The following CRB1 variants were observed in gnomAD, a reference collection of about 807,000 sequenced individuals.
The protein encoded by CRB1 is crumbs cell polarity complex component 1.
CRB1 carries 83 observed loss-of-function variants against 120.0 expected under a neutral mutation model. The ratio of observed to expected loss-of-function variants is 0.69; its 90% confidence interval spans 0.58 to 0.83. The LOEUF (loss-of-function observed/expected upper bound fraction) is 0.83. Among genes scored for constraint, CRB1 ranks in the 40% least tolerant of loss-of-function variants. The pLI, the probability that CRB1 is intolerant of heterozygous loss-of-function variation, is 0.00. For synonymous variants in CRB1, 625 were observed against 612.5 expected (o/e 1.02, Z -0.30); for missense variants, 1,699 against 1,687.6 (o/e 1.01, Z -0.12).
At chr1:197,415,395 G>T (rs549025017) in intron 5 of CRB1, among the ~76,000 whole-genome samples, 374 of 152,150 alleles carry the variant, frequency 2.5e-3, no homozygotes, top group Non-Finnish European at 4.3e-3. Context: ...ACTCCCCACT[G>T]CCAGAAAATA....
chr1:197,409,930 C>T (rs1013282681), intron 5 of CRB1, among the ~76,000 whole-genome samples: 3 of 152,124 alleles, frequency 2.0e-5, no homozygotes, highest in African/African-American at 4.8e-5. Context: ...ATTACAGGCG[C>T]CCGCCACCAT....
the CRB1 span, among the ~76,000 whole-genome samples, chr1:197,208,084 T>C: frequency 6.6e-6 from 1 of 152,160 alleles, no homozygotes; most frequent in African/African-American, 2.4e-5. Context: ...TTTTTTTTAA[T>C]TTATACTATC....
intron 5 of CRB1, 53 bp downstream of exon 5, chr1:197,357,066 C>A (rs776608786): frequency 9.0e-6 from 14 of 1,563,402 alleles, no homozygotes; most frequent in Non-Finnish European, 1.2e-5. Context: ...TTATGGCAGA[C>A]CATGGCTTTA....
intron 5 of CRB1, among the ~76,000 whole-genome samples, chr1:197,380,552 A>G (rs775909399): frequency 6.6e-6 from 1 of 152,226 alleles, no homozygotes; most frequent in Non-Finnish European, 1.5e-5. Flanking sequence ...AGCTTACACA[A>G]ATAGGTAAGA....
intron 5 of CRB1, among the ~76,000 whole-genome samples, chr1:197,402,508 T>G (rs1428543189): frequency 6.6e-6 from 1 of 152,196 alleles, no homozygotes; most frequent in Non-Finnish European, 1.5e-5. Flanking sequence ...TAATGTTGAC[T>G]AAAAGATAGT....
chr1:197,248,146 A>G, the CRB1 span, among the ~76,000 whole-genome samples: 1 of 152,008 alleles, frequency 6.6e-6, no homozygotes, highest in African/African-American at 2.4e-5. Flanking sequence ...TCATTATTTT[A>G]TATGAAAAAT....
In CRB1 at chr1:197,405,045, G is replaced by GCCCTCT. The variant is rs558234588; in HGVS notation, c.1172-15927_1172-15922dup. Among the ~76,000 whole-genome samples the GCCCTCT allele has an allele frequency of 2.9e-3, 419 of 145,286 alleles. 2 individuals carry two copies. The highest frequency in any genetic ancestry group is 8.9e-3 in the African/African-American group (356 of 40,120). On this transcript the variant is annotated intron_variant, in intron 5 of 11. Coordinates refer to ENST00000367400, the MANE Select transcript of CRB1 (RefSeq NM_201253.3). ...TATTGTTAATAATGTGCTCGCCCTCGCCCTCTCCCTCTCCCTCTCCCTCTC... is the reference window on the plus strand; with the variant it reads ...TATTGTTAATAATGTGCTCGCCCTCGCCCTCTCCCTCTCCCTCTCCCTCTCCCTCTC...
chr1:197,381,582 T>C (rs1661960348), intron 5 of CRB1, among the ~76,000 whole-genome samples: 1 of 152,200 alleles, frequency 6.6e-6, no homozygotes, highest in South Asian at 2.1e-4. Flanking sequence ...TTGTTCTTTG[T>C]AGTAAATTCT....
intron 5 of CRB1, among the ~76,000 whole-genome samples, chr1:197,414,694 G>T (rs937459214): frequency 1.3e-4 from 20 of 152,244 alleles, no homozygotes; most frequent in Admixed American, 1.0e-3. Flanking sequence ...CAATTAAGAA[G>T]ACTGAATGGC....
chr1:197,354,545 G>A (rs1660322373), intron 4 of CRB1, among the ~76,000 whole-genome samples: 1 of 152,094 alleles, frequency 6.6e-6, no homozygotes, highest in African/African-American at 2.4e-5. Flanking sequence ...TGCAGTGAGT[G>A]TTACAACTCT....
intron 2 of CRB1, among the ~76,000 whole-genome samples, chr1:197,341,978 C>G (rs1659490669): frequency 6.6e-6 from 1 of 152,134 alleles, no homozygotes; most frequent in Non-Finnish European, 1.5e-5. Context: ...TATACAAAAA[C>G]TTTGAGTGGT....
chr1:197,430,753 T>A (rs765322780), intron 8 of CRB1, among the ~76,000 whole-genome samples: 21 of 152,200 alleles, frequency 1.4e-4, no homozygotes, highest in African/African-American at 4.1e-4. Flanking sequence ...TCTTTCATCA[T>A]GAGAATATAA....
At chr1:197,436,868 T>G (rs1665186441) in intron 9 of CRB1, among the ~76,000 whole-genome samples, 1 of 152,160 alleles carries the variant, frequency 6.6e-6, no homozygotes, top group Non-Finnish European at 1.5e-5. Context: ...AACCCAGCAG[T>G]GCATTGAAAG....
intron 11 of CRB1, among the ~76,000 whole-genome samples, chr1:197,449,691 A>G (rs1198418438): frequency 6.6e-6 from 1 of 152,182 alleles, no homozygotes; most frequent in African/African-American, 2.4e-5. Context: ...TTATTTTGGC[A>G]GGCAGTCTCT....
intron 5 of CRB1, among the ~76,000 whole-genome samples, chr1:197,395,485 C>A (rs1050757015): frequency 2.0e-5 from 3 of 152,058 alleles, no homozygotes; most frequent in African/African-American, 7.2e-5. Flanking sequence ...GAGCAGATTA[C>A]CTGGAAATAA....
intron 1 of CRB1, among the ~76,000 whole-genome samples, chr1:197,295,660 A>T (rs181366551): frequency 1.3e-5 from 2 of 152,140 alleles, no homozygotes; most frequent in Admixed American, 1.3e-4. Context: ...TAGCTGAAAT[A>T]TATTTGAGCA....
At chr1:197,210,114 A>T in the CRB1 span, among the ~76,000 whole-genome samples, 2 of 152,148 alleles carry the variant, frequency 1.3e-5, no homozygotes, top group African/African-American at 4.8e-5. Flanking sequence ...TTTTTTCCCT[A>T]TGGAGAAATT....
intron 6 of CRB1, among the ~76,000 whole-genome samples, chr1:197,422,307 T>C (rs1459495221): frequency 7.5e-6 from 1 of 133,218 alleles, no homozygotes; most frequent in Non-Finnish European, 1.8e-5. Context: ...AGAGAAATAA[T>C]CTTTTGAAAA....
At chr1:197,454,324 T>A (rs1666177057) in intron 11 of CRB1, among the ~76,000 whole-genome samples, 1 of 152,058 alleles carries the variant, frequency 6.6e-6, no homozygotes, top group African/African-American at 2.4e-5. Context: ...GAAAAATAAA[T>A]AAAATAAGAA....
Sources: gnomAD v4.1 joint callset for allele counts (sites outside exome capture counted in the v4.1 genomes callset) on GRCh38, gnomAD v4.1.1 for gene constraint, MANE v1.5 for transcripts, NCBI Gene and HGNC (gene_info 2026-07-23, HGNC 2026-07-21) for gene names.